Variants in LYPLA1 observed in about 807,000 individuals in gnomAD.
LYPLA1 encodes acyl-protein thioesterase 1.
LYPLA1 carries 17 observed loss-of-function variants against 34.0 expected under a neutral mutation model. The ratio of observed to expected loss-of-function variants is 0.50; its 90% CI spans 0.34 to 0.75. The LOEUF (loss-of-function observed/expected upper bound fraction) is 0.75. Among genes scored for constraint, LYPLA1 ranks in the 30% least tolerant of loss-of-function variants. The pLI, the probability that LYPLA1 is intolerant of heterozygous loss-of-function variation, is 0.01. For missense variants in LYPLA1, 203 were observed against 288.8 expected, an observed-to-expected ratio of 0.70 and a Z score of 2.15; for synonymous variants, 98 against 100.8, an observed-to-expected ratio of 0.97 and a Z score of 0.17.
chr8:54,048,115 T>C lies in LYPLA1; in HGVS notation c.643A>G (p.Met215Val), dbSNP rs779722996. The stretch of plus-strand genomic sequence containing the variant: ...TCAATGAATTGCTTGACATCCATCA[T>C]TTCCTGTTTGGAATAAAGTAATTTA... ...GMMHSSCQQE[M>V]MDVKQFIDKL... Residue 215 changes from methionine (M) to valine (V), a missense_variant, in exon 9 of 9, where the codon ATG becomes GTG. Coordinates refer to ENST00000316963, the MANE Select transcript of LYPLA1 (RefSeq NM_006330.4). 1.6e-5 allele frequency: 25 copies of C among 1,606,122 alleles called. No individual in the cohort carries two copies. Among genetic ancestry groups the C allele is most frequent in the African/African-American group, 8.0e-5 (6 of 74,748 alleles).
intron 6 of LYPLA1, 48 bp downstream of exon 6, chr8:54,055,012 A>C: frequency 8.8e-7 from 1 of 1,138,568 alleles, no homozygotes; most frequent in Non-Finnish European, 1.3e-6. Context: ...ACAGACTTCT[A>C]AATAAGTATA....
At position 54,062,280 on chromosome 8, in the gene LYPLA1, G is replaced by C. The variant is rs368866937; in HGVS notation, c.260C>G (p.Ser87Cys). ...ATTTTCTGCTGCCTGTTTAATCCCA[G>C]ATTCATCCTCCTGTGAATCTGGTGA... is the stretch of plus-strand genomic sequence containing the variant. Reference protein sequence around the residue: ...GLSPDSQEDESGIKQAAENIK... With the variant: ...GLSPDSQEDECGIKQAAENIK... The change falls in exon 5 of 9, where the codon TCT becomes TGT. Residue 87 changes from serine (S) to cysteine (C), a missense_variant. By Grantham distance (112) the Ser-to-Cys change is moderately radical. Coordinates refer to ENST00000316963, the MANE Select transcript of LYPLA1 (RefSeq NM_006330.4). 1 of 1,606,402 alleles carries C rather than the reference G, an allele frequency of 6.2e-7. No individual in the cohort carries two copies. The highest frequency in any genetic ancestry group is 1.3e-5 in the African/African-American group (1 of 74,672).
chr8:54,075,530 A>C (rs769699972), intron 2 of LYPLA1, among the ~76,000 whole-genome samples: 4 of 152,206 alleles, frequency 2.6e-5, no homozygotes, highest in Non-Finnish European at 5.9e-5. Flanking sequence ...CAGATCAAGA[A>C]GCTGTCACAG....
intron 2 of LYPLA1, among the ~76,000 whole-genome samples, chr8:54,092,177 G>A (rs901980129): frequency 2.6e-5 from 4 of 150,984 alleles, no homozygotes; most frequent in Admixed American, 1.3e-4. Context: ...GAACCCTGTC[G>A]AAGTCAGGGG....
chr8:54,097,177 G>T (rs962766828), intron 2 of LYPLA1, among the ~76,000 whole-genome samples: 3 of 152,142 alleles, frequency 2.0e-5, no homozygotes, highest in African/African-American at 7.2e-5. Flanking sequence ...AACTGCAGTC[G>T]AGACCTGGAA....
rs752527680 is a variant in LYPLA1, at chr8:54,101,846, A to C, written c.-23T>G. ...CATACACCGCCTCAGCTCACAGCGCAAGCGGAAGGAAGAGCGGGCGCCCGG... is the reference window on the plus strand; with the variant it reads ...CATACACCGCCTCAGCTCACAGCGCCAGCGGAAGGAAGAGCGGGCGCCCGG... On this transcript the variant is annotated 5_prime_UTR_variant, in exon 1 of 9. Coordinates refer to ENST00000316963, the MANE Select transcript of LYPLA1 (RefSeq NM_006330.4). 8.1e-7 allele frequency: 1 copy of C among 1,240,604 alleles called. No individual in the cohort carries two copies. Among genetic ancestry groups the C allele is most frequent in the Non-Finnish European group, 1.0e-6 (1 of 980,858 alleles). 76.8% of individuals were successfully genotyped at this position (1,240,604 alleles called of 1,614,324 possible).
chr8:54,051,847 CTTTT>C (rs757045729), intron 7 of LYPLA1, among the ~76,000 whole-genome samples: 2 of 130,408 alleles, frequency 1.5e-5, no homozygotes. Context: ...ATTCAGCTAT[CTTTT>C]TTTTTTTTTT....
chr8:54,068,812 AATAG>A (rs1161181200), intron 2 of LYPLA1, among the ~76,000 whole-genome samples: 6 of 152,232 alleles, frequency 3.9e-5, no homozygotes, highest in Admixed American at 6.5e-5. Flanking sequence ...ACAAGAAAAA[AATAG>A]ATAAATTAGA....
chr8:54,095,034 ATTTTT>A (rs36051350), intron 2 of LYPLA1, among the ~76,000 whole-genome samples: 1 of 146,622 alleles, frequency 6.8e-6, no homozygotes, highest in African/African-American at 2.5e-5. Flanking sequence ...GAATAAAGGA[ATTTTT>A]TTTTTTTTTG....
chr8:54,057,884 A>G (rs1806326434), intron 5 of LYPLA1, among the ~76,000 whole-genome samples: 1 of 152,196 alleles, frequency 6.6e-6, no homozygotes, highest in Non-Finnish European at 1.5e-5. Flanking sequence ...CTTATTTCAC[A>G]TTGCATCCCT....
At chr8:54,087,073 A>G (rs900052502) in intron 2 of LYPLA1, among the ~76,000 whole-genome samples, 11 of 152,290 alleles carry the variant, frequency 7.2e-5, no homozygotes, top group Admixed American at 1.3e-4. Context: ...CCAGATAGGA[A>G]AGGAATCAGT....
chr8:54,063,487 C>A, intron 3 of LYPLA1, 112 bp from the exon 4 acceptor site: 1 of 701,428 alleles, frequency 1.4e-6, no homozygotes, highest in Non-Finnish European at 2.5e-6. Context: ...CTATATGCTA[C>A]AGTTTTAACA....
At chr8:54,091,294 C>T (rs763293510) in intron 2 of LYPLA1, among the ~76,000 whole-genome samples, 32 of 151,740 alleles carry the variant, frequency 2.1e-4, no homozygotes, top group Non-Finnish European at 4.1e-4. Context: ...TCAAGACCAA[C>T]CTGGCCAACA....
intron 7 of LYPLA1, among the ~76,000 whole-genome samples, chr8:54,052,050 C>G (rs962835683): frequency 2.0e-5 from 3 of 151,388 alleles, no homozygotes; most frequent in Non-Finnish European, 2.9e-5. Context: ...GGGGTTTCAC[C>G]ATGTTGGCCA....
intron 4 of LYPLA1, 117 bp from the exon 5 acceptor site, chr8:54,062,441 TATTTA>T (rs139440914): frequency 0.071 from 26,184 of 370,936 alleles, 3,748 homozygotes; most frequent in African/African-American, 0.39. Context: ...TGTTTTATTT[TATTTA>T]ATTTATCTAT....
At position 54,088,415 on chromosome 8, in the gene LYPLA1, A is replaced by G. The variant is rs188096505; in HGVS notation, c.101+12493T>C. On this transcript the variant is annotated intron_variant, in intron 2 of 8. Transcript: ENST00000316963. ...CAAAATCACAATGCGACACCACTTC[A>G]CATAGAAATGGATGGCTATAATCAA... Among the ~76,000 whole-genome samples the G allele has an allele frequency of 3.8e-3, 586 of 152,366 alleles. 1 individual carries two copies. The highest frequency in any genetic ancestry group is 6.6e-3 in the Non-Finnish European group (447 of 68,040).
intron 2 of LYPLA1, among the ~76,000 whole-genome samples, chr8:54,084,426 C>G (rs1451234927): frequency 6.6e-6 from 1 of 151,684 alleles, no homozygotes; most frequent in African/African-American, 2.4e-5. Context: ...CAAAAACTAG[C>G]TGGGTGTGGT....
chr8:54,086,008 GAA>G (rs1808732578), intron 2 of LYPLA1, among the ~76,000 whole-genome samples: 1 of 152,194 alleles, frequency 6.6e-6, no homozygotes, highest in African/African-American at 2.4e-5. Context: ...GAAATGTGGG[GAA>G]AAGAGAGATC....
At chr8:54,074,205 C>T (rs1318218986) in intron 2 of LYPLA1, among the ~76,000 whole-genome samples, 1 of 152,162 alleles carries the variant, frequency 6.6e-6, no homozygotes, top group African/African-American at 2.4e-5. Flanking sequence ...ACCCGGGAGG[C>T]AGAGCTTGCA....
Sources: allele counts gnomAD v4.1 joint callset (sites outside exome capture counted in the v4.1 genomes callset), GRCh38; gene constraint gnomAD v4.1.1; transcripts MANE v1.5; gene names NCBI Gene and HGNC (gene_info 2026-07-23, HGNC 2026-07-21).